The following LRP1B variants were observed in gnomAD, a reference collection of about 807,000 sequenced individuals.
LRP1B encodes the protein LDL receptor related protein 1B.
A neutral mutation model predicts 556.6 loss-of-function variants in LRP1B; 217 were observed. That is an observed-to-expected ratio of 0.39 (90% CI 0.35 to 0.44). The LOEUF is 0.44. Ranked by LOEUF, LRP1B falls within the 20% of genes least tolerant of loss-of-function variation. The pLI, the probability that LRP1B is intolerant of heterozygous loss-of-function variation, is 1.00. For synonymous variants in LRP1B, 2,047 were observed against 1,865.8 expected, an observed-to-expected ratio of 1.10 and a Z score of -2.50; for missense variants, 5,053 against 5,620.8, an observed-to-expected ratio of 0.90 and a Z score of 3.23.
At chr2:141,335,819 G>A (rs1038439445) in intron 3 of LRP1B, among the ~76,000 whole-genome samples, 2 of 152,086 alleles carry the variant, frequency 1.3e-5, no homozygotes, top group South Asian at 2.1e-4. Flanking sequence ...ATGCGTGTGT[G>A]TTGTGTGTAT....
chr2:141,930,937 A>G (rs1349900068), intron 1 of LRP1B, among the ~76,000 whole-genome samples: 1 of 151,970 alleles, frequency 6.6e-6, no homozygotes, highest in Non-Finnish European at 1.5e-5. Flanking sequence ...TAAAGGGGAA[A>G]CCACTCCTTT....
intron 86 of LRP1B, among the ~76,000 whole-genome samples, chr2:140,264,093 G>A (rs1483649254): frequency 1.3e-5 from 2 of 152,064 alleles, no homozygotes; most frequent in African/African-American, 2.4e-5. Context: ...CACATTGTCT[G>A]TTCATTCACA....
chr2:140,612,211 T>C lies in LRP1B; in HGVS notation c.6800-10572A>G, dbSNP rs548328743. Among the ~76,000 whole-genome samples the C allele has an allele frequency of 1.5e-4, 23 of 152,268 alleles. 1 individual carries two copies. In the South Asian group the frequency reaches 4.1e-3, roughly 27 times the overall value. On this transcript the variant is annotated intron_variant, in intron 41 of 90. Transcript: ENST00000389484. Reference sequence around the variant, plus strand: ...CAAGTGAAATATTAGGTGGCAGATATTTTATGAGGTGTAATAATTCAGGAA... The same window carrying C: ...CAAGTGAAATATTAGGTGGCAGATACTTTATGAGGTGTAATAATTCAGGAA...
chr2:141,899,855 C>T (rs796441741), intron 1 of LRP1B, among the ~76,000 whole-genome samples: 3 of 151,948 alleles, frequency 2.0e-5, no homozygotes, highest in African/African-American at 7.3e-5. Flanking sequence ...ATCTGGCCAC[C>T]CCCTGAGTTT....
intron 67 of LRP1B, among the ~76,000 whole-genome samples, chr2:140,385,339 T>G (rs897739885): frequency 2.0e-5 from 3 of 152,134 alleles, no homozygotes; most frequent in African/African-American, 7.2e-5. Context: ...AAGTAAAATT[T>G]GGGGAGAATT....
chr2:141,826,677 G>A (rs1198345747), intron 1 of LRP1B, among the ~76,000 whole-genome samples: 1 of 152,008 alleles, frequency 6.6e-6, no homozygotes, highest in Non-Finnish European at 1.5e-5. Flanking sequence ...TAAAAAATAG[G>A]TAATAGGTAA....
At chr2:140,392,323 A>G (rs916154836) in intron 66 of LRP1B, among the ~76,000 whole-genome samples, 3 of 152,158 alleles carry the variant, frequency 2.0e-5, no homozygotes, top group African/African-American at 7.2e-5. Flanking sequence ...CTGGCAATCT[A>G]AACGCTGAGT....
chr2:141,863,244 C>T (rs1200310954), intron 1 of LRP1B, among the ~76,000 whole-genome samples: 1 of 152,198 alleles, frequency 6.6e-6, no homozygotes, highest in African/African-American at 2.4e-5. Flanking sequence ...ATTTATTGAG[C>T]TTCTACAATC....
chr2:140,498,828 G>A (rs1689057671), intron 55 of LRP1B, among the ~76,000 whole-genome samples: 1 of 151,754 alleles, frequency 6.6e-6, no homozygotes, highest in African/African-American at 2.4e-5. Context: ...AAATATGAAT[G>A]CAATATGTAA....
At chr2:140,321,069 ATAAAAT>A (rs1193241559) in intron 82 of LRP1B, among the ~76,000 whole-genome samples, 5 of 152,110 alleles carry the variant, frequency 3.3e-5, no homozygotes, top group Non-Finnish European at 7.4e-5. Flanking sequence ...GAATGAATGA[ATAAAAT>A]TAAAATAATT....
chr2:140,379,172 C>T (rs1395994146), intron 67 of LRP1B, among the ~76,000 whole-genome samples: 3 of 152,134 alleles, frequency 2.0e-5, no homozygotes, highest in African/African-American at 7.2e-5. Context: ...TTTCTCTGTT[C>T]ATTCCTTGTG....
At chr2:140,330,220 T>TAATAAC (rs1680733093) in intron 79 of LRP1B, among the ~76,000 whole-genome samples, 1 of 140,408 alleles carries the variant, frequency 7.1e-6, no homozygotes, top group Non-Finnish European at 1.6e-5. Context: ...ATAATAATAA[T>TAATAAC]AATAATAATA....
At chr2:140,294,391 C>T (rs1465107239) in intron 84 of LRP1B, among the ~76,000 whole-genome samples, 4 of 152,036 alleles carry the variant, frequency 2.6e-5, no homozygotes, top group African/African-American at 9.7e-5. Context: ...TTGTGTGATT[C>T]TTTGTTCCTT....
intron 7 of LRP1B, among the ~76,000 whole-genome samples, chr2:141,108,334 C>CTTGTTTT (rs1700659407): frequency 1.1e-5 from 1 of 88,514 alleles, no homozygotes; most frequent in African/African-American, 4.8e-5. Context: ...TAATCTGTTT[C>CTTGTTTT]TTTTTTTTTT....
rs188955958 is a variant in LRP1B, at chr2:142,124,024, C to T, written c.82+6624G>A. Among the ~76,000 whole-genome samples the T allele has an allele frequency of 5.5e-3, 838 of 151,772 alleles. 3 individuals carry two copies. Among genetic ancestry groups the T allele is most frequent in the African/African-American group, 0.014 (596 of 41,488 alleles). ...AAATATGAGTAGAGTTATTGAACAACAGAAAAACATGTTTTTTTTAATTTT... is the reference window on the plus strand; with the variant it reads ...AAATATGAGTAGAGTTATTGAACAATAGAAAAACATGTTTTTTTTAATTTT... On this transcript the variant is annotated intron_variant, in intron 1 of 90. Coordinates refer to ENST00000389484, the MANE Select transcript of LRP1B (RefSeq NM_018557.3).
chr2:141,339,570 T>C (rs1007078443), intron 3 of LRP1B, among the ~76,000 whole-genome samples: 1 of 152,168 alleles, frequency 6.6e-6, no homozygotes, highest in African/African-American at 2.4e-5. Context: ...TGCAGAGCCT[T>C]GCAGAAATAA....
At chr2:141,481,209 A>C (rs563315961) in intron 2 of LRP1B, among the ~76,000 whole-genome samples, 5 of 152,180 alleles carry the variant, frequency 3.3e-5, no homozygotes, top group Non-Finnish European at 7.3e-5. Context: ...TTGTGTTTTT[A>C]AGATAAGCTT....
intron 3 of LRP1B, among the ~76,000 whole-genome samples, chr2:141,480,159 T>TTTTGTG (rs1166817357): frequency 2.0e-5 from 3 of 149,864 alleles, no homozygotes; most frequent in African/African-American, 7.4e-5. Context: ...AAGTCTAAAT[T>TTTTGTG]TGTGTGTGTG....
At chr2:140,344,056 T>C (rs1288010351) in intron 77 of LRP1B, among the ~76,000 whole-genome samples, 1 of 151,770 alleles carries the variant, frequency 6.6e-6, no homozygotes, top group African/African-American at 2.4e-5. Flanking sequence ...ATGCTGTGTA[T>C]ATTTGAATAT....
Sources: gnomAD v4.1 joint callset for allele counts (sites outside exome capture counted in the v4.1 genomes callset) on GRCh38, gnomAD v4.1.1 for gene constraint, MANE v1.5 for transcripts, NCBI Gene and HGNC (gene_info 2026-07-23, HGNC 2026-07-21) for gene names.